The following SHOC1 variants were observed in gnomAD, a reference collection of about 807,000 sequenced individuals.
SHOC1 encodes the protein shortage in chiasmata 1, also known as protein shortage in chiasmata 1 ortholog.
SHOC1 carries 136 observed loss-of-function variants against 179.2 expected under a neutral mutation model. The observed-to-expected ratio is 0.76, with a 90% CI of 0.66 to 0.87. The LOEUF is 0.87. Ranked by LOEUF, SHOC1 falls within the 40% of genes least tolerant of loss-of-function variation. The pLI is 0.00. For missense variants in SHOC1, 1,538 were observed against 1,700.8 expected, an observed-to-expected ratio of 0.90 and a Z score of 1.68; for synonymous variants, 489 against 586.6, an observed-to-expected ratio of 0.83 and a Z score of 2.41.
At chr9:111,757,319 G>C (rs7029339) in intron 7 of SHOC1, among the ~76,000 whole-genome samples, 64,672 of 151,878 alleles carry the variant, frequency 0.43, 14,842 homozygotes, top group East Asian at 0.77. Context: ...AGCCAGGATG[G>C]TCTCGATCTC....
chr9:111,783,193 T>C (rs1589477426), intron 3 of SHOC1, among the ~76,000 whole-genome samples: 1 of 152,354 alleles, frequency 6.6e-6, no homozygotes, highest in South Asian at 2.1e-4. Flanking sequence ...TAGTCCATCA[T>C]TTAAAAATTT....
intron 10 of SHOC1, 25 bp downstream of exon 10, chr9:111,746,209 G>A (rs367679157): frequency 5.4e-5 from 76 of 1,418,516 alleles, no homozygotes; most frequent in Non-Finnish European, 7.1e-5. Context: ...TTGCAACATG[G>A]GTTCTAGATA....
intron 5 of SHOC1, chr9:111,759,257 A>G: frequency 6.2e-7 from 1 of 1,613,650 alleles, no homozygotes; most frequent in Non-Finnish European, 8.5e-7. Context: ...ACCTCTTAAT[A>G]TCTCCAATTC....
chr9:111,769,385 G>T (rs1244643905), intron 5 of SHOC1, among the ~76,000 whole-genome samples: 1 of 151,944 alleles, frequency 6.6e-6, no homozygotes, highest in Admixed American at 6.5e-5. Flanking sequence ...TCAAGTTCTG[G>T]GCTTTTCTTT....
chr9:111,746,289 C>A lies in SHOC1; in HGVS notation c.1024G>T (p.Val342Leu), dbSNP rs754234722. Residue 342 changes from valine (V) to leucine (L), a missense_variant, in exon 10 of 28, where the codon GTG (valine) becomes TTG (leucine). Val to Leu is a conservative substitution (Grantham distance 32, BLOSUM62 1). Coordinates refer to ENST00000682961, the MANE Select transcript of SHOC1 (RefSeq NM_001378211.1). ...PLFLTCQHSS[V>L]NSLRTELQTF... is the part of the protein sequence containing the mutation. ...TGAAGTTCTGTACGTAATGAATTCA[C>A]TGAAGAATGTTGGCATGTTAGGAAT... 4 of 1,612,478 alleles carry A rather than the reference C, an allele frequency of 2.5e-6. No individual in the cohort carries two copies. The East Asian group carries it at 8.9e-5, about 36-fold the overall frequency.
At chr9:111,734,336 G>T (rs780908010) in intron 12 of SHOC1, among the ~76,000 whole-genome samples, 1 of 152,092 alleles carries the variant, frequency 6.6e-6, no homozygotes, top group Non-Finnish European at 1.5e-5. Context: ...TAGTTTTATA[G>T]ATTTAATACA....
chr9:111,731,768 C>G (rs1461710892), intron 12 of SHOC1, among the ~76,000 whole-genome samples: 2 of 151,990 alleles, frequency 1.3e-5, no homozygotes, highest in Non-Finnish European at 2.9e-5. Context: ...TATGTAAAGT[C>G]TTTATTGTGA....
intron 26 of SHOC1, among the ~76,000 whole-genome samples, 177 bp downstream of exon 26, chr9:111,693,621 AT>A (rs919758600): frequency 3.9e-5 from 6 of 151,966 alleles, no homozygotes; most frequent in African/African-American, 1.4e-4. Context: ...AAAATGTATA[AT>A]TGATAGCTAA....
At chr9:111,790,960 C>A (rs1836424864) in intron 2 of SHOC1, among the ~76,000 whole-genome samples, 1 of 152,164 alleles carries the variant, frequency 6.6e-6, no homozygotes, top group Non-Finnish European at 1.5e-5. Context: ...ACAAGTTGAG[C>A]ATCCTTAATC....
intron 15 of SHOC1, among the ~76,000 whole-genome samples, chr9:111,721,879 G>A (rs895176966): frequency 1.3e-5 from 2 of 152,158 alleles, no homozygotes; most frequent in Admixed American, 6.5e-5. Flanking sequence ...AGTTAGCTAG[G>A]GTAATGGTAG....
chr9:111,774,702 A>C (rs10817216), intron 5 of SHOC1, among the ~76,000 whole-genome samples: 55,011 of 151,466 alleles, frequency 0.36, 10,978 homozygotes, highest in East Asian at 0.75. Context: ...CTCTCTCTAT[A>C]TATATATCAT....
At chr9:111,766,742 G>T (rs960353844) in intron 5 of SHOC1, among the ~76,000 whole-genome samples, 3 of 152,184 alleles carry the variant, frequency 2.0e-5, no homozygotes, top group Admixed American at 6.5e-5. Context: ...CTCCAGAGTA[G>T]CTGGGATTAT....
chr9:111,729,555 G>T (rs182455385), intron 12 of SHOC1, among the ~76,000 whole-genome samples: 5 of 152,296 alleles, frequency 3.3e-5, no homozygotes, highest in South Asian at 4.1e-4. Context: ...TTTTTCTGTA[G>T]CATGTGCTGT....
chr9:111,725,144 A>T (rs563893094), intron 13 of SHOC1, among the ~76,000 whole-genome samples: 59 of 152,206 alleles, frequency 3.9e-4, no homozygotes, highest in Non-Finnish European at 5.0e-4. Context: ...ACTATATTCT[A>T]AACTAGATTA....
Position 111,758,746 on chromosome 9 carries a change from T to A in SHOC1, c.545A>T (p.Asp182Val). Reference protein sequence around the residue: ...LSRLKLFLVKDPLLDFKGQIF... With the variant: ...LSRLKLFLVKVPLLDFKGQIF... Reference sequence around the variant, plus strand: ...CTGTCCTTTGAAATCTAAAAGAGGATCCTTTACCAAAAACAGTTTTAGTCT... The same window carrying A: ...CTGTCCTTTGAAATCTAAAAGAGGAACCTTTACCAAAAACAGTTTTAGTCT... Residue 182 changes from aspartate to valine, a missense_variant, in exon 6 of 28, where the codon GAT becomes GTT. By Grantham distance (152) the Asp-to-Val change is radical. Transcript: ENST00000682961. The A allele has an allele frequency of 6.2e-7, 1 of 1,601,220 alleles. No homozygotes were observed. Among genetic ancestry groups the A allele is most frequent in the Non-Finnish European group, 8.5e-7 (1 of 1,176,114 alleles).
chr9:111,789,734 A>G (rs1018148520), intron 2 of SHOC1, among the ~76,000 whole-genome samples: 2 of 152,232 alleles, frequency 1.3e-5, no homozygotes, highest in African/African-American at 4.8e-5. Flanking sequence ...ATACCAGCAG[A>G]AACCAAAATA....
At position 111,714,608 on chromosome 9, in the gene SHOC1, G is replaced by A; in HGVS notation, c.2252C>T (p.Ala751Val). 1 of 1,609,828 alleles carries A rather than the reference G, an allele frequency of 6.2e-7. No individual in the cohort carries two copies. Among genetic ancestry groups the A allele is most frequent in the Non-Finnish European group, 8.5e-7 (1 of 1,179,042 alleles). The change falls in exon 17 of 28, where the codon GCA becomes GTA. Residue 751 changes from alanine (A) to valine (V), a missense_variant. Physicochemically the swap from Ala to Val is moderately conservative, Grantham distance 64. Coordinates refer to ENST00000682961, the MANE Select transcript of SHOC1 (RefSeq NM_001378211.1). ...TAAAATGCTGTTGTAGATATCTTTT[G>A]CCTTCGACAAATATCCTATTGAAGC... ...LDTALGYLSK[A>V]KDIYNSILGP... is the part of the protein sequence containing the mutation.
chr9:111,705,926 T>C (rs1173196917), intron 20 of SHOC1, among the ~76,000 whole-genome samples: 1 of 152,046 alleles, frequency 6.6e-6, no homozygotes, highest in East Asian at 1.9e-4. Flanking sequence ...AATAAACCAT[T>C]ATGGTGACCG....
intron 8 of SHOC1, among the ~76,000 whole-genome samples, chr9:111,754,441 TA>T (rs1432496264): frequency 6.6e-6 from 1 of 152,198 alleles, no homozygotes; most frequent in Non-Finnish European, 1.5e-5. Flanking sequence ...AGGATGGCGA[TA>T]AAAAAGTTAT....
Sources: allele counts gnomAD v4.1 joint callset (sites outside exome capture counted in the v4.1 genomes callset), GRCh38; gene constraint gnomAD v4.1.1; transcripts MANE v1.5; gene names NCBI Gene and HGNC (gene_info 2026-07-23, HGNC 2026-07-21).